The following C16orf74 variants were observed in gnomAD, a reference collection of about 807,000 sequenced individuals.
C16orf74 encodes uncharacterized protein C16orf74.
C16orf74 carries 10 observed loss-of-function variants against 6.5 expected under a neutral mutation model. The ratio of observed to expected loss-of-function variants is 1.54; its 90% confidence interval spans 0.95 to 2.61. The LOEUF (loss-of-function observed/expected upper bound fraction) is 2.61, where lower values mean the gene tolerates loss of function less well. C16orf74 is among the 30% of genes most tolerant of loss of function. The pLI, the probability that C16orf74 is intolerant of heterozygous loss-of-function variation, is 0.00. For missense variants in C16orf74, 141 were observed against 105.9 expected (o/e 1.33, Z -1.45); for synonymous variants, 60 against 42.5 (o/e 1.41, Z -1.60).
intron 2 of C16orf74, among the ~76,000 whole-genome samples, chr16:85,712,650 C>T (rs1029316896): frequency 1.3e-5 from 2 of 152,222 alleles, no homozygotes; most frequent in Non-Finnish European, 2.9e-5. Context: ...AGGCTGCAGG[C>T]TCAGAAAAAC....
chr16:85,733,639 G>A (rs897271437), intron 2 of C16orf74, among the ~76,000 whole-genome samples: 8 of 152,270 alleles, frequency 5.3e-5, no homozygotes, highest in African/African-American at 1.9e-4. Context: ...AGGGAAGAAA[G>A]TCCTCAAGTT....
At chr16:85,731,616 G>A (rs1189258223) in intron 2 of C16orf74, among the ~76,000 whole-genome samples, 6 of 152,276 alleles carry the variant, frequency 3.9e-5, no homozygotes, top group South Asian at 2.1e-4. Flanking sequence ...AACGGTGCCC[G>A]CTCCAAAAGA....
rs191450330 is a variant in C16orf74 at position 85,729,408 on chromosome 16, A to C, written c.28+5782T>G. Among the ~76,000 whole-genome samples, 333 of 152,320 alleles carry C rather than the reference A, an allele frequency of 2.2e-3. 1 individual carries two copies. The highest frequency in any genetic ancestry group is 7.8e-3 in the African/African-American group (323 of 41,586). On this transcript the variant is annotated intron_variant, in intron 2 of 3. Transcript: ENST00000284245. ...GCCCCTTTCCTTTGGACTCGGAAACAAAGGGGTGTTGGCACAGCTGTGTTC... is the reference window on the plus strand; with the variant it reads ...GCCCCTTTCCTTTGGACTCGGAAACCAAGGGGTGTTGGCACAGCTGTGTTC...
At chr16:85,745,113 C>G (rs1407488805) in intron 1 of C16orf74, among the ~76,000 whole-genome samples, 3 of 136,962 alleles carry the variant, frequency 2.2e-5, no homozygotes, top group African/African-American at 8.8e-5. Context: ...TGCACTCCAG[C>G]CTGGGCAACA....
intron 2 of C16orf74, among the ~76,000 whole-genome samples, chr16:85,727,964 C>CAAAAA (rs59377902): frequency 4.0e-5 from 3 of 75,772 alleles, no homozygotes; most frequent in African/African-American, 1.0e-4. Context: ...CCCTTCTCTA[C>CAAAAA]AAAAAAAAAA....
chr16:85,710,044 G>A (rs867220933), intron 3 of C16orf74, 120 bp downstream of exon 3: 13 of 823,716 alleles, frequency 1.6e-5, no homozygotes, highest in East Asian at 3.4e-5. Flanking sequence ...AATGTTTAAC[G>A]AACCCAGTGG....
chr16:85,722,621 G>A (rs1266767201), intron 2 of C16orf74, among the ~76,000 whole-genome samples: 1 of 151,780 alleles, frequency 6.6e-6, no homozygotes, highest in African/African-American at 2.4e-5. Flanking sequence ...TGCTCTGCTC[G>A]CTCCCTGATC....
intron 1 of C16orf74, among the ~76,000 whole-genome samples, chr16:85,742,515 G>C (rs1350343635): frequency 6.6e-6 from 1 of 152,090 alleles, no homozygotes; most frequent in East Asian, 1.9e-4. Flanking sequence ...CATGTTTCTT[G>C]TCCAGCATGC....
chr16:85,724,014 T>C (rs1226657976), intron 2 of C16orf74, among the ~76,000 whole-genome samples: 2 of 151,902 alleles, frequency 1.3e-5, no homozygotes, highest in Non-Finnish European at 2.9e-5. Context: ...TTTTTTTTTC[T>C]TTTTTTTCAG....
At chr16:85,737,483 G>A (rs796397628) in intron 1 of C16orf74, among the ~76,000 whole-genome samples, 66 of 152,228 alleles carry the variant, frequency 4.3e-4, no homozygotes, top group African/African-American at 1.6e-3. Flanking sequence ...GGATCACTTG[G>A]GGCCAAGAGT....
chr16:85,712,923 C>G (rs74034058), intron 2 of C16orf74, among the ~76,000 whole-genome samples: 2 of 152,154 alleles, frequency 1.3e-5, no homozygotes, highest in Non-Finnish European at 2.9e-5. Flanking sequence ...CCGGGTCATG[C>G]CCGGAGAGAC....
In C16orf74 at chr16:85,710,198, C is replaced by T. The variant is rs1032246010; in HGVS notation, c.138G>A (p.Thr46=). The stretch of plus-strand genomic sequence containing the variant: ...CCAAGTCCCTCGGCAGCATCATGCC[C>T]GTGGGGGTGGGGGGCGTGATGATGA... ...PDIIITPPTP[T]GMMLPRDLGS... Residue 46 remains threonine (T), a synonymous_variant, in exon 3 of 4, where the codon ACG becomes ACA. Transcript: ENST00000284245. The T allele has an allele frequency of 1.8e-5, 27 of 1,489,000 alleles. No individual in the cohort carries two copies. Among genetic ancestry groups the T allele is most frequent in the Admixed American group, 2.9e-5 (1 of 34,566 alleles). The allele number at this position is 1,489,000 out of a possible 1,614,324, so 92.2% of individuals were successfully genotyped here.
chr16:85,726,306 T>C (rs2054132348), intron 2 of C16orf74, among the ~76,000 whole-genome samples: 1 of 152,214 alleles, frequency 6.6e-6, no homozygotes, highest in Non-Finnish European at 1.5e-5. Flanking sequence ...GTGTGCTGCC[T>C]GGCATGCAGC....
At chr16:85,739,429 C>A (rs192512073) in intron 1 of C16orf74, among the ~76,000 whole-genome samples, 1 of 152,290 alleles carries the variant, frequency 6.6e-6, no homozygotes, top group East Asian at 1.9e-4. Flanking sequence ...GAAGTTCTCA[C>A]AGAAAGAATG....
At chr16:85,720,241 A>G (rs1240605144) in intron 2 of C16orf74, among the ~76,000 whole-genome samples, 1 of 152,148 alleles carries the variant, frequency 6.6e-6, no homozygotes, top group African/African-American at 2.4e-5. Context: ...CTGGAGAGAG[A>G]CAACCTGAGA....
chr16:85,748,242 G>A (rs113325653), intron 1 of C16orf74, among the ~76,000 whole-genome samples: 5 of 151,956 alleles, frequency 3.3e-5, no homozygotes, highest in African/African-American at 1.2e-4. Flanking sequence ...ACGTGGGATG[G>A]GGAGACATGG....
intron 1 of C16orf74, among the ~76,000 whole-genome samples, chr16:85,741,124 T>C (rs1371722507): frequency 6.6e-6 from 1 of 152,186 alleles, no homozygotes; most frequent in Non-Finnish European, 1.5e-5. Context: ...AGTGAGAGTC[T>C]GCGCAATGCC....
intron 2 of C16orf74, among the ~76,000 whole-genome samples, chr16:85,729,129 C>G (rs919211044): frequency 3.3e-5 from 5 of 152,234 alleles, no homozygotes; most frequent in African/African-American, 1.2e-4. Context: ...ACGACTCCCC[C>G]TTTCCCCTTC....
intron 1 of C16orf74, among the ~76,000 whole-genome samples, chr16:85,746,316 C>T (rs2054372939): frequency 6.6e-6 from 1 of 152,196 alleles, no homozygotes; most frequent in Admixed American, 6.5e-5. Flanking sequence ...CGCCACTGCA[C>T]TCAAGCCTGG....
Sources: allele counts gnomAD v4.1 joint callset (sites outside exome capture counted in the v4.1 genomes callset), GRCh38; gene constraint gnomAD v4.1.1; transcripts MANE v1.5; gene names NCBI Gene and HGNC (gene_info 2026-07-23, HGNC 2026-07-21).